SLC24A2: variants seen among roughly 807,000 people sequenced by gnomAD.
SLC24A2 encodes the protein sodium/potassium/calcium exchanger 2.
A neutral mutation model predicts 62.0 loss-of-function variants in SLC24A2; 36 were observed. The observed-to-expected ratio is 0.58, with a 90% confidence interval of 0.44 to 0.77. SLC24A2 has a LOEUF of 0.77. Among genes scored for constraint, SLC24A2 ranks in the 30% least tolerant of loss-of-function variants. The pLI is 0.00. For synonymous variants in SLC24A2, 358 were observed against 294.0 expected, an observed-to-expected ratio of 1.22 and a Z score of -2.23; for missense variants, 846 against 817.9, an observed-to-expected ratio of 1.03 and a Z score of -0.42.
intron 10 of SLC24A2, among the ~76,000 whole-genome samples, chr9:19,517,315 C>A (rs1035295407): frequency 7.9e-5 from 12 of 152,158 alleles, no homozygotes; most frequent in Non-Finnish European, 1.2e-4. Context: ...TAAGGAGATA[C>A]CTGCTTGGCT....
chr9:19,721,655 A>G (rs1021668083), intron 2 of SLC24A2, among the ~76,000 whole-genome samples: 78 of 152,296 alleles, frequency 5.1e-4, no homozygotes, highest in African/African-American at 1.8e-3. Context: ...TTTAATCTCC[A>G]TCATTTCAGA....
At chr9:19,688,657 G>T (rs560359347) in intron 2 of SLC24A2, among the ~76,000 whole-genome samples, 233 of 152,234 alleles carry the variant, frequency 1.5e-3, no homozygotes, top group Admixed American at 3.3e-3. Context: ...AAAGCAGAAT[G>T]TGTTGCTGGT....
chr9:20,074,985 T>C, the SLC24A2 span, among the ~76,000 whole-genome samples: 1 of 152,190 alleles, frequency 6.6e-6, no homozygotes, highest in Admixed American at 6.5e-5. Flanking sequence ...TGAACCTTGG[T>C]TTCTGCATGT....
chr9:19,904,069 C>T, the SLC24A2 span, among the ~76,000 whole-genome samples: 9 of 152,200 alleles, frequency 5.9e-5, no homozygotes, highest in Non-Finnish European at 1.3e-4. Flanking sequence ...AGAAGCTAAA[C>T]AGCTCGGACA....
chr9:19,989,884 T>C, the SLC24A2 span, among the ~76,000 whole-genome samples: 4 of 152,080 alleles, frequency 2.6e-5, no homozygotes, highest in Non-Finnish European at 5.9e-5. Context: ...AAGCAGGTAA[T>C]AGCACTATGC....
chr9:19,533,028 G>GT (rs1833780472), intron 8 of SLC24A2, among the ~76,000 whole-genome samples: 1 of 152,150 alleles, frequency 6.6e-6, no homozygotes, highest in South Asian at 2.1e-4. Context: ...TAATAAAACT[G>GT]TAAGTGTAAA....
the SLC24A2 span, among the ~76,000 whole-genome samples, chr9:20,047,252 C>T: frequency 6.6e-6 from 1 of 152,078 alleles, no homozygotes; most frequent in Non-Finnish European, 1.5e-5. Context: ...TCTAGTTCTG[C>T]CACTTTCTAG....
At chr9:20,259,387 G>C in the SLC24A2 span, among the ~76,000 whole-genome samples, 5 of 152,062 alleles carry the variant, frequency 3.3e-5, no homozygotes, top group South Asian at 2.1e-4. Context: ...CCCAGCCCTA[G>C]AGAAAATTCT....
the SLC24A2 span, among the ~76,000 whole-genome samples, chr9:20,300,974 G>T: frequency 4.6e-5 from 7 of 152,138 alleles, no homozygotes; most frequent in Admixed American, 3.9e-4. Flanking sequence ...CACACAAACA[G>T]TGTCAATCCA....
At chr9:20,187,306 C>T in the SLC24A2 span, among the ~76,000 whole-genome samples, 1 of 152,148 alleles carries the variant, frequency 6.6e-6, no homozygotes, top group African/African-American at 2.4e-5. Flanking sequence ...CACTTAATTA[C>T]CCAGTAATTT....
At chr9:19,728,059 A>G (rs1821224390) in intron 2 of SLC24A2, among the ~76,000 whole-genome samples, 1 of 152,044 alleles carries the variant, frequency 6.6e-6, no homozygotes, top group African/African-American at 2.4e-5. Flanking sequence ...GGAAGTGGGG[A>G]CTGGGAGTGG....
chr9:20,044,222 G>A, the SLC24A2 span, among the ~76,000 whole-genome samples: 9 of 151,988 alleles, frequency 5.9e-5, no homozygotes, highest in African/African-American at 1.2e-4. Context: ...TAGTGTAAAC[G>A]TAACTTTTAC....
chr9:20,001,390 G>T, the SLC24A2 span, among the ~76,000 whole-genome samples: 1 of 152,186 alleles, frequency 6.6e-6, no homozygotes, highest in Non-Finnish European at 1.5e-5. Flanking sequence ...ATCTGGAAGG[G>T]GGTTAAGCCT....
chr9:19,957,648 G>A, the SLC24A2 span: 1 of 152,466 alleles, frequency 6.6e-6, no homozygotes, highest in East Asian at 1.9e-4. Context: ...TTTATCTGAT[G>A]AGTCTGTCTT....
intron 5 of SLC24A2, among the ~76,000 whole-genome samples, chr9:19,583,459 A>G (rs549144484): frequency 9.9e-5 from 15 of 152,278 alleles, no homozygotes; most frequent in African/African-American, 3.6e-4. Flanking sequence ...GGTGCTTTCC[A>G]CTGGCAGCAG....
chr9:19,624,696 G>A (rs960233929), intron 2 of SLC24A2, among the ~76,000 whole-genome samples: 1 of 152,162 alleles, frequency 6.6e-6, no homozygotes. Flanking sequence ...ATACATCAGG[G>A]TATAATATGT....
chr9:20,001,347 G>T, the SLC24A2 span, among the ~76,000 whole-genome samples: 1 of 152,212 alleles, frequency 6.6e-6, no homozygotes, highest in African/African-American at 2.4e-5. Flanking sequence ...GCTCAGGTCT[G>T]CATGGAGAGA....
At chr9:20,096,181 A>C in the SLC24A2 span, among the ~76,000 whole-genome samples, 5 of 152,154 alleles carry the variant, frequency 3.3e-5, no homozygotes, top group African/African-American at 1.2e-4. Flanking sequence ...AATTTTTAAG[A>C]GTATAATAGC....
intron 2 of SLC24A2, among the ~76,000 whole-genome samples, chr9:19,716,861 A>T (rs146216148): frequency 4.1e-4 from 62 of 152,254 alleles, no homozygotes; most frequent in African/African-American, 1.5e-3. Context: ...TGGTCCATCA[A>T]TGGCACTACT....
Sources: allele counts gnomAD v4.1 joint callset (sites outside exome capture counted in the v4.1 genomes callset), GRCh38; gene constraint gnomAD v4.1.1; transcripts MANE v1.5; gene names NCBI Gene and HGNC (gene_info 2026-07-23, HGNC 2026-07-21).